CTNNA3: variants seen among roughly 807,000 people sequenced by gnomAD.
The protein encoded by CTNNA3 is catenin alpha 3, also known as catenin alpha-3.
CTNNA3 carries 76 observed loss-of-function variants against 95.7 expected under a neutral mutation model. The observed-to-expected ratio is 0.79, with a 90% confidence interval of 0.66 to 0.96. CTNNA3 has a LOEUF of 0.96. Ranked by LOEUF, CTNNA3 falls within the 40% of genes least tolerant of loss-of-function variation. CTNNA3 has a pLI of 0.00. For synonymous variants in CTNNA3, 431 were observed against 374.4 expected, an observed-to-expected ratio of 1.15 and a Z score of -1.74; for missense variants, 1,191 against 1,089.8, an observed-to-expected ratio of 1.09 and a Z score of -1.31.
At chr10:67,376,391 A>T (rs966898486) in intron 5 of CTNNA3, among the ~76,000 whole-genome samples, 1 of 152,192 alleles carries the variant, frequency 6.6e-6, no homozygotes, top group African/African-American at 2.4e-5. Context: ...GTCTTAGGTT[A>T]ATCAGTTAAT....
chr10:66,385,733 C>T (rs1014153043), intron 11 of CTNNA3, among the ~76,000 whole-genome samples: 1 of 152,118 alleles, frequency 6.6e-6, no homozygotes, highest in African/African-American at 2.4e-5. Context: ...CATCAAAAAG[C>T]TCATCCACCA....
intron 9 of CTNNA3, among the ~76,000 whole-genome samples, chr10:66,700,765 C>A (rs1040156125): frequency 6.6e-6 from 1 of 152,042 alleles, no homozygotes; most frequent in Non-Finnish European, 1.5e-5. Context: ...TTGCACCTTG[C>A]AAAATGAGCA....
chr10:66,521,889 A>G (rs999474511), intron 10 of CTNNA3, among the ~76,000 whole-genome samples: 1 of 152,136 alleles, frequency 6.6e-6, no homozygotes, highest in East Asian at 1.9e-4. Context: ...TCTTGGTCCC[A>G]CTTATTTAAA....
intron 5 of CTNNA3, among the ~76,000 whole-genome samples, chr10:67,509,317 T>G (rs1839531443): frequency 6.6e-6 from 1 of 152,076 alleles, no homozygotes; most frequent in African/African-American, 2.4e-5. Context: ...CATTAGGTAT[T>G]TCTCCTAATG....
chr10:66,664,717 AG>A (rs58574680), intron 9 of CTNNA3, among the ~76,000 whole-genome samples: 99,162 of 151,520 alleles, frequency 0.65, 33,271 homozygotes, highest in East Asian at 0.95. Context: ...GTTGCTAGGA[AG>A]AAAAATCCCA....
intron 11 of CTNNA3, among the ~76,000 whole-genome samples, chr10:66,512,869 C>T (rs1272296247): frequency 1.3e-5 from 2 of 152,134 alleles, no homozygotes; most frequent in African/African-American, 2.4e-5. Context: ...TCTGAGAAAT[C>T]TGCTGTTAGT....
chr10:67,323,907 T>C (rs1841432827), intron 5 of CTNNA3, among the ~76,000 whole-genome samples: 1 of 152,158 alleles, frequency 6.6e-6, no homozygotes, highest in African/African-American at 2.4e-5. Context: ...GTTTTCCTTG[T>C]AGAGAACTTT....
chr10:67,502,964 C>G (rs941499170), intron 5 of CTNNA3, among the ~76,000 whole-genome samples: 11 of 152,212 alleles, frequency 7.2e-5, no homozygotes, highest in African/African-American at 2.7e-4. Context: ...GCCCCCTTTC[C>G]AGGGGAGCAA....
chr10:66,415,178 G>A (rs1349777890), intron 11 of CTNNA3, among the ~76,000 whole-genome samples: 2 of 152,050 alleles, frequency 1.3e-5, no homozygotes, highest in Non-Finnish European at 1.5e-5. Context: ...TGCCATCTGG[G>A]GGCCTGAAGA....
intron 13 of CTNNA3, among the ~76,000 whole-genome samples, chr10:66,145,872 T>C (rs560992226): frequency 1.3e-5 from 2 of 152,308 alleles, no homozygotes; most frequent in East Asian, 3.9e-4. Flanking sequence ...CTTTTTCTTT[T>C]GAGATGGAGT....
At chr10:66,445,289 C>G (rs942282371) in intron 11 of CTNNA3, among the ~76,000 whole-genome samples, 1 of 152,020 alleles carries the variant, frequency 6.6e-6, no homozygotes, top group African/African-American at 2.4e-5. Context: ...CAAGGATACC[C>G]AGGAATTGAA....
At chr10:66,842,598 A>C (rs1486549140) in intron 7 of CTNNA3, among the ~76,000 whole-genome samples, 1 of 152,206 alleles carries the variant, frequency 6.6e-6, no homozygotes, top group Non-Finnish European at 1.5e-5. Context: ...GCAGGTGGGC[A>C]TGGTGATACA....
chr10:67,425,857 T>C (rs1268157655), intron 5 of CTNNA3, among the ~76,000 whole-genome samples: 1 of 152,042 alleles, frequency 6.6e-6, no homozygotes, highest in Non-Finnish European at 1.5e-5. Context: ...TATCAGCCTA[T>C]GGTGTTTTCC....
chr10:66,087,000 A>G (rs2081009473), intron 14 of CTNNA3, among the ~76,000 whole-genome samples: 1 of 152,174 alleles, frequency 6.6e-6, no homozygotes, highest in Admixed American at 6.6e-5. Flanking sequence ...AAATTTGCAT[A>G]GATAAATGGC....
chr10:66,462,445 A>C (rs1009336856), intron 11 of CTNNA3, among the ~76,000 whole-genome samples: 5 of 152,082 alleles, frequency 3.3e-5, no homozygotes, highest in African/African-American at 9.7e-5. Flanking sequence ...TCCCACAAGT[A>C]ATATCATTAT....
intron 5 of CTNNA3, among the ~76,000 whole-genome samples, chr10:67,327,017 T>C (rs1841564737): frequency 3.3e-5 from 5 of 152,222 alleles, no homozygotes; most frequent in Admixed American, 3.3e-4. Context: ...TCTATTCTGC[T>C]ATTAATACTT....
chr10:66,056,113 A>G (rs2080082053), intron 15 of CTNNA3, among the ~76,000 whole-genome samples: 1 of 152,004 alleles, frequency 6.6e-6, no homozygotes, highest in Non-Finnish European at 1.5e-5. Flanking sequence ...CTGTTAAAGG[A>G]GAGGCTTTCA....
rs539131011 is a variant in CTNNA3 at position 65,994,656 on chromosome 10, T to C, written c.2160-5859A>G. ...CAAGAACTTTTTGAGTTGAATCTAT[T>C]TGGGGCTCTTTAAGCTTTCTGAATC... is the stretch of plus-strand genomic sequence containing the variant. On this transcript the variant is annotated intron_variant, in intron 15 of 17. Coordinates refer to ENST00000433211, the MANE Select transcript of CTNNA3 (RefSeq NM_013266.4). 6.6e-5 allele frequency among the ~76,000 whole-genome samples: 10 copies of C among 152,292 alleles called. No homozygotes were observed. The South Asian group carries it at 1.4e-3, about 22-fold the overall frequency.
chr10:66,897,547 C>A (rs1208162109), intron 7 of CTNNA3, among the ~76,000 whole-genome samples: 1 of 151,958 alleles, frequency 6.6e-6, no homozygotes, highest in East Asian at 1.9e-4. Context: ...TTTTAAAAGG[C>A]AAAAACCAAT....
Sources: gnomAD v4.1 joint callset for allele counts (sites outside exome capture counted in the v4.1 genomes callset) on GRCh38, gnomAD v4.1.1 for gene constraint, MANE v1.5 for transcripts, NCBI Gene and HGNC (gene_info 2026-07-23, HGNC 2026-07-21) for gene names.